Variants in KCNH7 observed in about 807,000 individuals in gnomAD.
KCNH7 encodes voltage-gated inwardly rectifying potassium channel KCNH7.
In KCNH7, 49 loss-of-function variants were observed where a neutral mutation model predicts 120.8. The ratio of observed to expected loss-of-function variants is 0.41; its 90% CI spans 0.32 to 0.51. The LOEUF (loss-of-function observed/expected upper bound fraction) is 0.51. KCNH7 is among the 20% of genes least tolerant of loss of function. The pLI, the probability that KCNH7 is intolerant of heterozygous loss-of-function variation, is 0.38. For synonymous variants in KCNH7, 547 were observed against 516.1 expected (o/e 1.06, Z -0.81); for missense variants, 1,097 against 1,446.6 (o/e 0.76, Z 3.92).
At chr2:162,427,653 T>C (rs1162220866) in intron 8 of KCNH7, among the ~76,000 whole-genome samples, 1 of 151,924 alleles carries the variant, frequency 6.6e-6, no homozygotes, top group Non-Finnish European at 1.5e-5. Flanking sequence ...ATTTGTCCAT[T>C]CCTTTTCTTA....
At chr2:162,636,404 T>C (rs1683965607) in intron 2 of KCNH7, among the ~76,000 whole-genome samples, 1 of 152,136 alleles carries the variant, frequency 6.6e-6, no homozygotes, top group Non-Finnish European at 1.5e-5. Flanking sequence ...CAATGTCGTG[T>C]CGATTACTGC....
At chr2:162,446,615 A>G (rs1178420485) in intron 6 of KCNH7, among the ~76,000 whole-genome samples, 172 bp from the exon 7 acceptor site, 1 of 152,190 alleles carries the variant, frequency 6.6e-6, no homozygotes, top group Non-Finnish European at 1.5e-5. Flanking sequence ...ATATAAACTT[A>G]TACAGTGTAT....
intron 7 of KCNH7, among the ~76,000 whole-genome samples, chr2:162,441,743 A>G (rs1688420616): frequency 6.6e-6 from 1 of 152,126 alleles, no homozygotes; most frequent in Non-Finnish European, 1.5e-5. Flanking sequence ...CTTTGAACCA[A>G]TGACACAGAA....
chr2:162,631,703 T>C (rs993898356), intron 2 of KCNH7, among the ~76,000 whole-genome samples: 1 of 151,984 alleles, frequency 6.6e-6, no homozygotes, highest in South Asian at 2.1e-4. Flanking sequence ...AAAGTAACTG[T>C]GAGAAACAAC....
Position 162,384,919 on chromosome 2 carries a change from C to T in KCNH7, c.2731G>A (p.Glu911Lys). The change falls in exon 13 of 16, where the codon GAA becomes AAA. Residue 911 changes from glutamate (E) to lysine (K), a missense_variant. By Grantham distance (56) the Glu-to-Lys change is moderately conservative. This residue lies in a region of KCNH7 where 406 missense variants were observed against 410.5 expected (regional missense o/e 0.99). Coordinates refer to ENST00000332142, the MANE Select transcript of KCNH7 (RefSeq NM_033272.4). ...GEKENSTNDP[E>K]DSADTIRHYQ... ...TGTCTTATGGTATCTGCAGAGTCTT[C>T]AGGATCATTTGTACTGTTTTCTTTG... The T allele has an allele frequency of 6.2e-7, 1 of 1,609,236 alleles. No individual in the cohort carries two copies. The highest frequency in any genetic ancestry group is 1.1e-5 in the South Asian group (1 of 90,308).
In KCNH7 at chr2:162,517,746, G is replaced by A; in HGVS notation, c.876C>T (p.Asp292=). ...CAAACATACCTTCGCTGGCATGTCG[G>A]TCTCTAAATATGTTCTTGGGGTGGA... The part of the protein sequence containing the change: ...FGVHPKNIFR[D]RHASEDNGRN... The change falls in exon 4 of 16, where the codon GAC becomes GAT. Residue 292 remains aspartate, a synonymous_variant. Transcript: ENST00000332142. 6.4e-7 allele frequency: 1 copy of A among 1,558,262 alleles called. No individual in the cohort carries two copies. Among genetic ancestry groups the A allele is most frequent in the Non-Finnish European group, 8.7e-7 (1 of 1,145,146 alleles).
At chr2:162,609,478 T>C (rs570694234) in intron 2 of KCNH7, among the ~76,000 whole-genome samples, 1 of 152,230 alleles carries the variant, frequency 6.6e-6, no homozygotes, top group Admixed American at 6.5e-5. Context: ...TTCCCTTGCG[T>C]TGTTGTCCTT....
At chr2:162,445,657 C>T (rs956665768) in intron 7 of KCNH7, among the ~76,000 whole-genome samples, 1 of 152,066 alleles carries the variant, frequency 6.6e-6, no homozygotes, top group African/African-American at 2.4e-5. Context: ...TGTCTCAAAC[C>T]TTAACAATGA....
intron 4 of KCNH7, among the ~76,000 whole-genome samples, chr2:162,514,191 C>T (rs79807632): frequency 0.01 from 1,569 of 151,790 alleles, 24 homozygotes; most frequent in African/African-American, 0.034. Context: ...TTGAATTGCT[C>T]GTAGACATTG....
chr2:162,483,942 CA>C (rs1356075404), intron 6 of KCNH7, among the ~76,000 whole-genome samples: 1 of 152,062 alleles, frequency 6.6e-6, no homozygotes, highest in East Asian at 1.9e-4. Context: ...ACAGAGCATA[CA>C]GGGATTAAAA....
intron 2 of KCNH7, among the ~76,000 whole-genome samples, chr2:162,546,223 G>A (rs1290049066): frequency 1.3e-5 from 2 of 152,090 alleles, no homozygotes; most frequent in Admixed American, 6.6e-5. Flanking sequence ...AGCTGAGGCC[G>A]ATTTGCGGTG....
Position 162,838,593 on chromosome 2 carries a change from C to G in KCNH7, c.-75G>C. 1 of 1,188,686 alleles carries G rather than the reference C, an allele frequency of 8.4e-7. No homozygotes were observed. Among genetic ancestry groups the G allele is most frequent in the Non-Finnish European group, 1.2e-6 (1 of 839,250 alleles). The allele number at this position is 1,188,686 out of a possible 1,614,324, so 73.6% of individuals were successfully genotyped here. A position where few individuals can be genotyped will look rare whatever the true frequency, so the allele number is the denominator to read the frequency against. On this transcript the variant is annotated 5_prime_UTR_variant, in exon 1 of 16. Coordinates refer to ENST00000332142, the MANE Select transcript of KCNH7 (RefSeq NM_033272.4). Reference sequence around the variant, plus strand: ...CCGGGATCTCTCCTCGGCTAGAGCCCAGGCCAGCGCGCGAGCCGCTCTTTG... The same window carrying G: ...CCGGGATCTCTCCTCGGCTAGAGCCGAGGCCAGCGCGCGAGCCGCTCTTTG...
chr2:162,406,913 G>A (rs1031833673), intron 9 of KCNH7, among the ~76,000 whole-genome samples: 73 of 152,034 alleles, frequency 4.8e-4, no homozygotes, highest in African/African-American at 1.7e-3. Flanking sequence ...TTCCTGTTTG[G>A]CAATTACATG....
intron 2 of KCNH7, chr2:162,796,413 A>G (rs1004499244): frequency 6.6e-6 from 1 of 152,058 alleles, no homozygotes. Context: ...AACTGAAGGC[A>G]CCAGTGTCTG....
At chr2:162,453,034 T>A (rs1339247870) in intron 6 of KCNH7, among the ~76,000 whole-genome samples, 2 of 152,112 alleles carry the variant, frequency 1.3e-5, no homozygotes, top group African/African-American at 4.8e-5. Flanking sequence ...GGTGGTTTGC[T>A]GCACCTATCA....
chr2:162,610,099 GACACAGTC>G (rs1682915509), intron 2 of KCNH7, among the ~76,000 whole-genome samples: 1 of 152,158 alleles, frequency 6.6e-6, no homozygotes, highest in Non-Finnish European at 1.5e-5. Context: ...CTGGAAAAGA[GACACAGTC>G]ACACATTACC....
At chr2:162,485,468 A>G (rs1690062103) in intron 6 of KCNH7, among the ~76,000 whole-genome samples, 1 of 152,206 alleles carries the variant, frequency 6.6e-6, no homozygotes, top group Non-Finnish European at 1.5e-5. Flanking sequence ...CTTTTGCTTC[A>G]GGTAACTTTA....
At chr2:162,566,932 A>T (rs1275127551) in intron 2 of KCNH7, among the ~76,000 whole-genome samples, 3 of 152,010 alleles carry the variant, frequency 2.0e-5, no homozygotes, top group Non-Finnish European at 2.9e-5. Flanking sequence ...GCTGGGTGGG[A>T]TGGAAGGATT....
chr2:162,605,830 T>C (rs1034172742), intron 2 of KCNH7, among the ~76,000 whole-genome samples: 1 of 152,100 alleles, frequency 6.6e-6, no homozygotes, highest in Non-Finnish European at 1.5e-5. Flanking sequence ...GATAATTTGC[T>C]TTTCTTAGCA....
Sources: allele counts gnomAD v4.1 joint callset (sites outside exome capture counted in the v4.1 genomes callset), GRCh38; gene constraint gnomAD v4.1.1; regional missense constraint gnomAD v4.1.1; transcripts MANE v1.5; gene names NCBI Gene and HGNC (gene_info 2026-07-23, HGNC 2026-07-21).